The following FMO4 variants were observed in gnomAD, a reference collection of about 807,000 sequenced individuals.
FMO4 encodes flavin containing dimethylaniline monoxygenase 4.
A neutral mutation model predicts 43.3 loss-of-function variants in FMO4; 38 were observed. The observed-to-expected ratio is 0.88, with a 90% CI of 0.68 to 1.15. The LOEUF (loss-of-function observed/expected upper bound fraction) is 1.15. Ranked by LOEUF, FMO4 falls within the 50% of genes most tolerant of loss-of-function variation. The pLI is 0.00. For synonymous variants in FMO4, 224 were observed against 232.2 expected, an observed-to-expected ratio of 0.96 and a Z score of 0.32; for missense variants, 631 against 663.3, an observed-to-expected ratio of 0.95 and a Z score of 0.54.
intron 6 of FMO4, 72 bp from the exon 7 acceptor site, chr1:171,332,637 A>T: frequency 7.8e-7 from 1 of 1,289,816 alleles, no homozygotes; most frequent in Non-Finnish European, 1.1e-6. Context: ...AGATCATTTG[A>T]AACACACTGA....
intron 8 of FMO4, 99 bp downstream of exon 8, chr1:171,334,862 T>C (rs973080696): frequency 3.1e-6 from 2 of 637,724 alleles, no homozygotes; most frequent in African/African-American, 3.7e-5. Flanking sequence ...TAACAAAATA[T>C]TTTTAACATT....
intron 5 of FMO4, 124 bp from the exon 6 acceptor site, chr1:171,331,516 A>G (rs1662898231): frequency 6.0e-6 from 5 of 830,844 alleles, no homozygotes; most frequent in Non-Finnish European, 9.6e-6. Flanking sequence ...TTCCTGCCAC[A>G]AGCAGCATAA....
chr1:171,334,356 C>T, intron 7 of FMO4, 55 bp from the exon 8 acceptor site: 3 of 1,134,904 alleles, frequency 2.6e-6, no homozygotes, highest in South Asian at 3.1e-5. Flanking sequence ...AAATCATTTG[C>T]TGAAGTTTCT....
chr1:171,335,313 C>A (rs952069859), intron 8 of FMO4, among the ~76,000 whole-genome samples: 1 of 152,156 alleles, frequency 6.6e-6, no homozygotes, highest in Non-Finnish European at 1.5e-5. Flanking sequence ...GCCCCTTCAT[C>A]TGTAAAATGG....
chr1:171,336,363 G>A (rs369244306), intron 8 of FMO4, among the ~76,000 whole-genome samples: 28 of 152,180 alleles, frequency 1.8e-4, no homozygotes, highest in Admixed American at 1.2e-3. Flanking sequence ...TGGGGAAGCT[G>A]GACAACTGCA....
Position 171,337,436 on chromosome 1 carries a change from T to C in FMO4, c.1250+11T>C, listed in dbSNP as rs1354497606. ...ACAGCTCATTAAAAGGTATGAAATG[T>C]AGCTTGCTCTAGGGCAAACTTACAG... On this transcript the variant is annotated intron_variant, in intron 9 of 9. Transcript: ENST00000367749. The C allele has an allele frequency of 1.3e-6, 2 of 1,581,280 alleles. No homozygotes were observed. Among genetic ancestry groups the C allele is most frequent in the East Asian group, 4.5e-5 (2 of 44,680 alleles).
intron 6 of FMO4, 68 bp from the exon 7 acceptor site, chr1:171,332,641 A>T (rs1244560043): frequency 1.5e-6 from 2 of 1,321,726 alleles, no homozygotes; most frequent in African/African-American, 2.9e-5. Flanking sequence ...CATTTGAAAC[A>T]CACTGATGAA....
intron 2 of FMO4, 85 bp from the exon 3 acceptor site, chr1:171,319,733 A>T: frequency 8.5e-7 from 1 of 1,171,798 alleles, no homozygotes; most frequent in East Asian, 2.4e-5. Context: ...AGGCATATAT[A>T]GCACTACAAA....
intron 2 of FMO4, among the ~76,000 whole-genome samples, chr1:171,317,804 T>G (rs1205237195): frequency 6.6e-6 from 1 of 152,184 alleles, no homozygotes; most frequent in Non-Finnish European, 1.5e-5. Context: ...ATATCCTTGT[T>G]TTATGGCAAG....
chr1:171,338,253 G>A (rs983317018), intron 9 of FMO4, among the ~76,000 whole-genome samples: 1 of 151,882 alleles, frequency 6.6e-6, no homozygotes, highest in Non-Finnish European at 1.5e-5. Flanking sequence ...TACCATCCCA[G>A]ACCAGACCAC....
In FMO4 at chr1:171,316,226, C is replaced by A. The variant is rs1383766614; in HGVS notation, c.-110C>A. The A allele has an allele frequency of 6.6e-6, 1 of 152,162 alleles. No homozygotes were observed. Among genetic ancestry groups the A allele is most frequent in the Non-Finnish European group, 1.5e-5 (1 of 68,022 alleles). 9.4% of individuals were successfully genotyped at this position (152,162 alleles called of 1,614,324 possible). A position where few individuals can be genotyped will look rare whatever the true frequency, so the allele number is the denominator to read the frequency against. ...AAGATCTGCCAGCCCCAGGCCTCTACCTAGTGGCCTGGAAATTCAAGTATT... is the reference window on the plus strand; with the variant it reads ...AAGATCTGCCAGCCCCAGGCCTCTAACTAGTGGCCTGGAAATTCAAGTATT... On this transcript the variant is annotated 5_prime_UTR_variant, in exon 2 of 10. Transcript: ENST00000367749.
At position 171,318,316 on chromosome 1, in the gene FMO4, A is replaced by AAATAAT. The variant is rs536741358; in HGVS notation, c.-8-1479_-8-1474dup. ...TGGGTGACAGAGCAAGACTGTCTCAAAATAATAATAATAATAATAATAATA... is the reference window on the plus strand; with the variant it reads ...TGGGTGACAGAGCAAGACTGTCTCAAAATAATAATAATAATAATAATAATAATAATA... On this transcript the variant is annotated intron_variant, in intron 2 of 9. Transcript: ENST00000367749. 7.3e-3 allele frequency among the ~76,000 whole-genome samples: 1,081 copies of AAATAAT among 149,026 alleles called. 14 individuals are homozygous for AAATAAT. The highest frequency in any genetic ancestry group is 0.022 in the African/African-American group (868 of 39,868).
At chr1:171,319,229 T>G (rs1261378444) in intron 2 of FMO4, among the ~76,000 whole-genome samples, 2 of 152,166 alleles carry the variant, frequency 1.3e-5, no homozygotes, top group African/African-American at 4.8e-5. Context: ...AGTGGGAAGA[T>G]GATCTTCCCC....
rs1662908712 is a variant in FMO4 at position 171,331,745 on chromosome 1, G to A, written c.590G>A (p.Gly197Glu). The change falls in exon 6 of 10, where the codon GGA (glycine) becomes GAA (glutamate). Residue 197 changes from glycine to glutamate, a missense_variant. By Grantham distance (98) the Gly-to-Glu change is moderately conservative. Transcript: ENST00000367749. ...VLVIGLGNTG[G>E]DIAVELSRTA... The stretch of plus-strand genomic sequence containing the variant: ...GTGATTGGTCTTGGGAACACTGGAG[G>A]AGACATTGCTGTGGAACTCAGTCGA... 10 of 1,613,808 alleles carry A rather than the reference G, an allele frequency of 6.2e-6. No homozygotes were observed. Among genetic ancestry groups the A allele is most frequent in the Non-Finnish European group, 7.6e-6 (9 of 1,179,876 alleles).
Position 171,319,807 on chromosome 1 carries a change from T to C in FMO4, c.-8-11T>C, listed in dbSNP as rs1662329984. On this transcript the variant is annotated splice_polypyrimidine_tract_variant and intron_variant, in intron 2 of 9. Transcript: ENST00000367749. ...TAAATAAAGAAGTTCTGCTTGACTT[T>C]CCTCTAACAGAGCATACCATGGCCA... is the stretch of plus-strand genomic sequence containing the variant. 6.2e-7 allele frequency: 1 copy of C among 1,611,702 alleles called. No homozygotes were observed. Among genetic ancestry groups the C allele is most frequent in the Non-Finnish European group, 8.5e-7 (1 of 1,178,936 alleles).
rs1350143024 is a variant in FMO4, at chr1:171,331,668, G to A, written c.513G>A (p.Leu171=). The change falls in exon 6 of 10, where the codon CTG becomes CTA. Residue 171 remains leucine, a synonymous_variant. Transcript: ENST00000367749. ...PGIHKFKGQI[L]HSQEYKIPEG... ...TTCATAAGTTTAAAGGTCAGATCCT[G>A]CATAGTCAAGAGTACAAGATCCCAG... The A allele has an allele frequency of 1.2e-6, 2 of 1,613,870 alleles. No homozygotes were observed. The highest frequency in any genetic ancestry group is 1.1e-5 in the South Asian group (1 of 91,068).
intron 5 of FMO4, 133 bp from the exon 6 acceptor site, chr1:171,331,507 T>G (rs999059578): frequency 2.4e-5 from 18 of 765,786 alleles, no homozygotes; most frequent in Non-Finnish European, 3.6e-5. Context: ...TTTTTCTACT[T>G]CCTGCCACAA....
intron 2 of FMO4, among the ~76,000 whole-genome samples, chr1:171,317,277 C>T (rs943716980): frequency 2.3e-4 from 35 of 152,158 alleles, no homozygotes; most frequent in African/African-American, 6.8e-4. Flanking sequence ...CATGAGACTA[C>T]AAAAATCACA....
chr1:171,341,553 G>A lies in FMO4; in HGVS notation c.1391G>A (p.Gly464Glu), dbSNP rs1226918515. 3 of 1,613,990 alleles carry A rather than the reference G, an allele frequency of 1.9e-6. No homozygotes were observed. Among genetic ancestry groups the A allele is most frequent in the Non-Finnish European group, 2.5e-6 (3 of 1,179,970 alleles). ...DPRLAWEVFF[G>E]PCTPYQYRLM... The stretch of plus-strand genomic sequence containing the variant: ...AGACTAGCTTGGGAAGTTTTCTTTG[G>A]ACCATGTACTCCTTATCAGTACCGC... Residue 464 changes from glycine to glutamate, a missense_variant, in exon 10 of 10, where the codon GGA becomes GAA. Gly to Glu is a moderately conservative substitution (Grantham distance 98). Coordinates refer to ENST00000367749, the MANE Select transcript of FMO4 (RefSeq NM_002022.3).
Sources: gnomAD v4.1 joint callset for allele counts (sites outside exome capture counted in the v4.1 genomes callset) on GRCh38, gnomAD v4.1.1 for gene constraint, MANE v1.5 for transcripts, NCBI Gene and HGNC (gene_info 2026-07-23, HGNC 2026-07-21) for gene names.